Variants in DGKZ observed in about 807,000 individuals in gnomAD.
The protein encoded by DGKZ is DAG kinase zeta.
Under a neutral mutation model 142.5 loss-of-function variants are expected in DGKZ, and 45 were observed. The observed-to-expected ratio is 0.32, with a 90% confidence interval of 0.25 to 0.40. DGKZ has a LOEUF of 0.40. Ranked by LOEUF, DGKZ falls within the 10% of genes least tolerant of loss-of-function variation. The pLI, the probability that DGKZ is intolerant of heterozygous loss-of-function variation, is 1.00. For missense variants in DGKZ, 755 were observed against 1,306.5 expected, an observed-to-expected ratio of 0.58 and a Z score of 6.51; for synonymous variants, 442 against 527.0, an observed-to-expected ratio of 0.84 and a Z score of 2.21.
intron 29 of DGKZ, 72 bp downstream of exon 29, chr11:46,379,308 C>G: frequency 6.3e-7 from 1 of 1,598,318 alleles, no homozygotes; most frequent in African/African-American, 1.3e-5. Context: ...CCCATTTTGT[C>G]AGGTCAGAGC....
chr11:46,378,344 C>G, intron 26 of DGKZ, 113 bp from the exon 27 acceptor site: 1 of 1,537,656 alleles, frequency 6.5e-7, no homozygotes, highest in Non-Finnish European at 8.8e-7. Flanking sequence ...TTGAGCTTCA[C>G]GCACCAACGG....
intron 25 of DGKZ, 53 bp from the exon 26 acceptor site, chr11:46,378,145 C>T (rs776699594): frequency 3.9e-5 from 62 of 1,581,562 alleles, no homozygotes; most frequent in Admixed American, 5.4e-5. Flanking sequence ...TTGGGGAGGG[C>T]GACCAGCTGG....
chr11:46,345,425 G>A, upstream of DGKZ: 2 of 1,450,820 alleles, frequency 1.4e-6, no homozygotes, highest in Non-Finnish European at 9.1e-7. This position sits in a 1 kb window ranked among gnomAD's most constrained non-coding sequence, Gnocchi z 4.1. Context: ...CGCACCGGGG[G>A]CTGGCCACAG....
rs777788563 is a variant in DGKZ at position 46,366,477 on chromosome 11, G to A, written c.162-814G>A. 4.4e-5 allele frequency: 69 copies of A among 1,569,636 alleles called. No individual in the cohort carries two copies. The highest frequency in any genetic ancestry group is 4.7e-5 in the East Asian group (2 of 42,112). ...AGGGCCCAGGGTTCCAGCCGCCGGC[G>A]CTCCAGCACTGTGCCCCCTTCCTGC... On this transcript the variant is annotated intron_variant, in intron 1 of 30. Transcript: ENST00000527911.
intron 1 of DGKZ, among the ~76,000 whole-genome samples, chr11:46,361,180 T>G (rs905045544): frequency 1.3e-5 from 2 of 152,238 alleles, no homozygotes; most frequent in African/African-American, 4.8e-5. Flanking sequence ...GGAGCCGGTG[T>G]GATTAGCTTC....
In DGKZ at chr11:46,374,146, C is replaced by T; in HGVS notation, c.1327-11C>T. 6.2e-7 allele frequency: 1 copy of T among 1,614,148 alleles called. No individual in the cohort carries two copies. The highest frequency in any genetic ancestry group is 8.5e-7 in the Non-Finnish European group (1 of 1,180,008). On this transcript the variant is annotated splice_polypyrimidine_tract_variant and intron_variant, in intron 14 of 30. Coordinates refer to ENST00000527911, the Ensembl canonical transcript of DGKZ. Reference sequence around the variant, plus strand: ...CCCAGCCCTCATTTTGGTCCCTTGACCTTTTTCCAGTTGCCCCTGGATGTC... The same window carrying T: ...CCCAGCCCTCATTTTGGTCCCTTGATCTTTTTCCAGTTGCCCCTGGATGTC...
intron 25 of DGKZ, 150 bp downstream of exon 25, chr11:46,377,362 C>T: frequency 1.4e-6 from 2 of 1,386,122 alleles, no homozygotes; most frequent in Non-Finnish European, 1.9e-6. Flanking sequence ...GGCCTTCAGC[C>T]CTGTGGTTCT....
upstream of DGKZ, chr11:46,347,334 C>A: frequency 2.0e-6 from 2 of 984,940 alleles, no homozygotes; most frequent in Non-Finnish European, 2.4e-6. The surrounding 1 kb of genome is among the most constrained non-coding windows in gnomAD (Gnocchi z 6.4). Context: ...CCCCAGCGGG[C>A]TGCAGCGCAG....
In DGKZ at chr11:46,367,425, C is replaced by T. The variant is rs576632084; in HGVS notation, c.270+26C>T. On this transcript the variant is annotated intron_variant, in intron 2 of 30. Transcript: ENST00000527911. The surrounding 1 kb of genome is among the most constrained non-coding windows in gnomAD (Gnocchi z 4.1). The stretch of plus-strand genomic sequence containing the variant: ...GTGAGTGCCTGAACACCCCTGGGTC[C>T]CAGACCCTCTGGGCTCTTGGCCAAG... 1.2e-6 allele frequency: 2 copies of T among 1,607,334 alleles called. No individual in the cohort carries two copies. Among genetic ancestry groups the T allele is most frequent in the East Asian group, 2.2e-5 (1 of 44,814 alleles).
At chr11:46,375,097 G>C in intron 19 of DGKZ, 52 bp downstream of exon 19, 1 of 1,489,422 alleles carries the variant, frequency 6.7e-7, no homozygotes, top group Non-Finnish European at 8.9e-7. Flanking sequence ...AAAGGTGGAA[G>C]GGGTCACCCA....
chr11:46,338,480 A>G (rs1940118841), intron 1 of DGKZ: 1 of 138,348 alleles, frequency 7.2e-6, no homozygotes, highest in Admixed American at 7.6e-5. Context: ...TGGGCAACAG[A>G]GCAAAACTCC....
In DGKZ at chr11:46,366,383, T is replaced by G. The variant is rs751327548; in HGVS notation, c.162-908T>G. ...GCGTCGCTCCCCCGCTGGGCAGGCC[T>G]CCTCCTCACTGGCACAGCGGCGCCG... On this transcript the variant is annotated intron_variant, in intron 1 of 30. Transcript: ENST00000527911. 3.4e-5 allele frequency: 51 copies of G among 1,506,706 alleles called. 1 individual carries two copies. The Middle Eastern group carries it at 3.2e-3, about 95-fold the overall frequency. The allele number at this position is 1,506,706 out of a possible 1,614,324, so 93.3% of individuals were successfully genotyped here. A position where few individuals can be genotyped will look rare whatever the true frequency, so the allele number is the denominator to read the frequency against.
chr11:46,375,914 G>C (rs1015450231), exon 21 of DGKZ: 2 of 1,599,590 alleles, frequency 1.3e-6, no homozygotes, highest in African/African-American at 2.7e-5. Context: ...ACGACTATGA[G>C]GCCCTGCACT....
rs1449997334 is a variant in DGKZ, at chr11:46,371,310, C to T, written c.571-3C>T. 8 of 1,613,526 alleles carry T rather than the reference C, an allele frequency of 5.0e-6. No individual in the cohort carries two copies. The highest frequency in any genetic ancestry group is 5.9e-6 in the Non-Finnish European group (7 of 1,179,826). On this transcript the variant is annotated splice_polypyrimidine_tract_variant and splice_region_variant and intron_variant, in intron 6 of 30. Coordinates refer to ENST00000527911, the Ensembl canonical transcript of DGKZ. ...GGTTCCCATCCATCCTGTCTACCCTCAGGGATTCCAGCAGAAGTTCACCTT... is the reference window on the plus strand; with the variant it reads ...GGTTCCCATCCATCCTGTCTACCCTTAGGGATTCCAGCAGAAGTTCACCTT...
intron 4 of DGKZ, chr11:46,368,843 C>T (rs1357181993): frequency 1.2e-5 from 2 of 169,144 alleles, no homozygotes; most frequent in African/African-American, 4.8e-5. Flanking sequence ...AGGGGCCAGG[C>T]AGTGCAAGTC....
chr11:46,361,559 G>C, intron 1 of DGKZ: 1 of 885,866 alleles, frequency 1.1e-6, no homozygotes, highest in Non-Finnish European at 1.4e-6. Flanking sequence ...AGGGAGGAGG[G>C]TGACAAGGGG....
chr11:46,347,268 G>T, upstream of DGKZ: 1 of 975,228 alleles, frequency 1.0e-6, no homozygotes, highest in Non-Finnish European at 1.2e-6. This position sits in a 1 kb window ranked among gnomAD's most constrained non-coding sequence, Gnocchi z 6.4. Context: ...GCCGGGCCGG[G>T]CTGGGGGCAG....
intron 1 of DGKZ, among the ~76,000 whole-genome samples, chr11:46,336,118 G>A (rs952082370): frequency 2.0e-5 from 3 of 152,228 alleles, no homozygotes; most frequent in Non-Finnish European, 2.9e-5. Flanking sequence ...AAGCGGAAGC[G>A]GGCTGAAGGC....
chr11:46,378,812 T>TGA (rs1224709787), intron 27 of DGKZ, 179 bp from the exon 28 acceptor site: 7 of 1,089,384 alleles, frequency 6.4e-6, no homozygotes, highest in Non-Finnish European at 9.2e-6. Flanking sequence ...GGCTGTGGGG[T>TGA]GAGAGGCCCC....
Sources: gnomAD v4.1 joint callset for allele counts (sites outside exome capture counted in the v4.1 genomes callset) on GRCh38, gnomAD v4.1.1 for gene constraint, Gnocchi (gnomAD v3.1) non-coding constraint, MANE v1.5 for transcripts, NCBI Gene and HGNC (gene_info 2026-07-23, HGNC 2026-07-21) for gene names.